The following LTBP1 variants were observed in gnomAD, a reference collection of about 807,000 sequenced individuals.
The protein encoded by LTBP1 is latent-transforming growth factor beta-binding protein 1.
In LTBP1, 129 loss-of-function variants were observed where a neutral mutation model predicts 207.6. The observed-to-expected ratio is 0.62, with a 90% CI of 0.54 to 0.72. LTBP1 has a LOEUF of 0.72. LTBP1 is among the 30% of genes least tolerant of loss of function. The pLI, the probability that LTBP1 is intolerant of heterozygous loss-of-function variation, is 0.00. For missense variants in LTBP1, 2,281 were observed against 2,217.2 expected, an observed-to-expected ratio of 1.03 and a Z score of -0.58; for synonymous variants, 963 against 833.7, an observed-to-expected ratio of 1.16 and a Z score of -2.67.
chr2:32,974,761 G>T (rs994107706), intron 2 of LTBP1, among the ~76,000 whole-genome samples: 1 of 152,080 alleles, frequency 6.6e-6, no homozygotes, highest in Non-Finnish European at 1.5e-5. Flanking sequence ...TTTAGTCTAC[G>T]GATGTCATTT....
rs1457198272 is a variant in LTBP1, at chr2:33,288,234, C to G, written c.3113-4926C>G. On this transcript the variant is annotated intron_variant, in intron 19 of 33. Coordinates refer to ENST00000404816, the MANE Select transcript of LTBP1 (RefSeq NM_206943.4). ...TGCTCCGGGACAAATTCTAGCCAAC[C>G]CCAAGCAGCTGCTACATGAAATGTA... Among the ~76,000 whole-genome samples the G allele has an allele frequency of 5.3e-5, 8 of 152,256 alleles. 1 individual carries two copies. In the South Asian group the frequency reaches 1.7e-3, roughly 32 times the overall value.
intron 3 of LTBP1, among the ~76,000 whole-genome samples, chr2:33,027,434 T>A (rs909783440): frequency 2.6e-5 from 4 of 152,228 alleles, no homozygotes; most frequent in Non-Finnish European, 2.9e-5. Context: ...ATAGTCACCA[T>A]GCTCTTTGTT....
chr2:32,952,702 TCTTTTTGCC>T (rs1677352366), intron 2 of LTBP1, among the ~76,000 whole-genome samples: 2 of 152,136 alleles, frequency 1.3e-5, no homozygotes, highest in Non-Finnish European at 2.9e-5. Flanking sequence ...GTTCTGCCAG[TCTTTTTGCC>T]CCCGTCTCAG....
chr2:33,365,289 G>A (rs903889168), intron 30 of LTBP1, 44 bp from the exon 31 acceptor site: 14 of 1,554,608 alleles, frequency 9.0e-6, no homozygotes, highest in Admixed American at 1.7e-5. Flanking sequence ...TTTATAAATA[G>A]GAATAACTGT....
At chr2:33,235,284 A>G (rs1177079843) in intron 9 of LTBP1, among the ~76,000 whole-genome samples, 2 of 152,242 alleles carry the variant, frequency 1.3e-5, no homozygotes. Context: ...TTATGCAGCC[A>G]ACAAACATGA....
intron 19 of LTBP1, among the ~76,000 whole-genome samples, chr2:33,282,664 T>G (rs114898048): frequency 6.6e-6 from 1 of 152,212 alleles, no homozygotes; most frequent in Admixed American, 6.5e-5. Flanking sequence ...AAGCCTAGTT[T>G]TGAGTTGAGC....
intron 7 of LTBP1, among the ~76,000 whole-genome samples, chr2:33,204,243 A>T (rs2089639176): frequency 6.6e-6 from 1 of 152,174 alleles, no homozygotes; most frequent in South Asian, 2.1e-4. Context: ...TCTTAAATAA[A>T]ATAATTTATA....
At chr2:33,147,038 G>A (rs993970548) in intron 5 of LTBP1, among the ~76,000 whole-genome samples, 5 of 152,218 alleles carry the variant, frequency 3.3e-5, no homozygotes, top group Admixed American at 6.5e-5. Flanking sequence ...AATGTTTACA[G>A]GGTAGGATAT....
chr2:33,236,431 A>G (rs1026540269), intron 9 of LTBP1, among the ~76,000 whole-genome samples: 2 of 152,196 alleles, frequency 1.3e-5, no homozygotes, highest in Non-Finnish European at 2.9e-5. Flanking sequence ...GTAAGAATTT[A>G]AACAGTTTTT....
intron 22 of LTBP1, among the ~76,000 whole-genome samples, chr2:33,302,985 A>AC (rs1558977492): frequency 3.9e-4 from 57 of 147,454 alleles, no homozygotes; most frequent in African/African-American, 1.4e-3. Flanking sequence ...ACACACACAC[A>AC]AACACACACA....
chr2:33,107,146 A>C (rs926796668), intron 3 of LTBP1, among the ~76,000 whole-genome samples: 5 of 152,254 alleles, frequency 3.3e-5, no homozygotes, highest in African/African-American at 4.8e-5. Context: ...AGAATAGCTT[A>C]GAAGAGAACA....
intron 3 of LTBP1, among the ~76,000 whole-genome samples, chr2:33,107,962 CTT>C (rs2080161798): frequency 6.6e-6 from 1 of 152,000 alleles, no homozygotes; most frequent in South Asian, 2.1e-4. Context: ...TGGAGAGAGA[CTT>C]TTTCCTGAAA....
intron 3 of LTBP1, among the ~76,000 whole-genome samples, chr2:33,049,635 C>A (rs1042813553): frequency 6.6e-6 from 1 of 152,072 alleles, no homozygotes; most frequent in Non-Finnish European, 1.5e-5. Context: ...ATTTAAATTT[C>A]ATTTTTATCT....
intron 3 of LTBP1, among the ~76,000 whole-genome samples, chr2:33,034,965 A>G (rs2075851339): frequency 6.6e-6 from 1 of 152,196 alleles, no homozygotes; most frequent in African/African-American, 2.4e-5. Context: ...CAGAATGCCA[A>G]AATTTGAAGA....
intron 9 of LTBP1, among the ~76,000 whole-genome samples, chr2:33,240,645 C>CTTTTT (rs869193074): frequency 8.4e-4 from 85 of 100,766 alleles, no homozygotes; most frequent in African/African-American, 1.1e-3. Context: ...TGGAAACATT[C>CTTTTT]TTTTTTTTTT....
intron 4 of LTBP1, among the ~76,000 whole-genome samples, chr2:33,119,166 A>ATTTT (rs34112067): frequency 0.11 from 17,067 of 150,026 alleles, 1,159 homozygotes; most frequent in Non-Finnish European, 0.17. Flanking sequence ...AGTCAGACTG[A>ATTTT]TTTTTTTTTT....
At chr2:33,322,897 T>C (rs1036122520) in intron 24 of LTBP1, among the ~76,000 whole-genome samples, 1 of 152,246 alleles carries the variant, frequency 6.6e-6, no homozygotes, top group Admixed American at 6.5e-5. Flanking sequence ...TTCCTTTTGC[T>C]TTTTTTATTT....
At chr2:33,220,031 C>T (rs757354496) in intron 8 of LTBP1, among the ~76,000 whole-genome samples, 1 of 152,058 alleles carries the variant, frequency 6.6e-6, no homozygotes, top group Non-Finnish European at 1.5e-5. Flanking sequence ...TCACTTTTAA[C>T]TAAATGTTGG....
intron 31 of LTBP1, among the ~76,000 whole-genome samples, chr2:33,379,196 CTTTTTTTTTTT>C (rs550839552): frequency 0.061 from 6,619 of 108,842 alleles, 172 homozygotes; most frequent in African/African-American, 0.07. Context: ...TTTGCCATTG[CTTTTTTTTTTT>C]TTTTTTTTTT....
Sources: allele counts gnomAD v4.1 joint callset (sites outside exome capture counted in the v4.1 genomes callset), GRCh38; gene constraint gnomAD v4.1.1; transcripts MANE v1.5; gene names NCBI Gene and HGNC (gene_info 2026-07-23, HGNC 2026-07-21).